Variants in ZFPM2 observed in about 807,000 individuals in gnomAD.
ZFPM2 encodes zinc finger protein, FOG family member 2.
A neutral mutation model predicts 98.6 loss-of-function variants in ZFPM2; 20 were observed. The ratio of observed to expected loss-of-function variants is 0.20; its 90% confidence interval spans 0.14 to 0.29. The LOEUF is 0.29. ZFPM2 is among the 10% of genes least tolerant of loss of function. The pLI, the probability that ZFPM2 is intolerant of heterozygous loss-of-function variation, is 1.00. For synonymous variants in ZFPM2, 518 were observed against 502.7 expected, an observed-to-expected ratio of 1.03 and a Z score of -0.41; for missense variants, 1,310 against 1,388.6, an observed-to-expected ratio of 0.94 and a Z score of 0.90.
intron 5 of ZFPM2, among the ~76,000 whole-genome samples, chr8:105,651,878 A>G (rs1008824409): frequency 6.6e-6 from 1 of 152,202 alleles, no homozygotes; most frequent in Non-Finnish European, 1.5e-5. Context: ...AGTACCCACA[A>G]TGGATTCTCC....
In ZFPM2 at chr8:105,369,777, G is replaced by GTAT. The variant is rs1810582325; in HGVS notation, c.41-49367_41-49366insTAT. ...TTTTTCTTTTTTTCTTTCTGGAAAG[G>GTAT]ACCTATACTATGTAGTTTATGTAAA... is the stretch of plus-strand genomic sequence containing the variant. On this transcript the variant is annotated intron_variant, in intron 1 of 7. Coordinates refer to ENST00000407775, the MANE Select transcript of ZFPM2 (RefSeq NM_012082.4). Among the ~76,000 whole-genome samples the GTAT allele has an allele frequency of 8.5e-5, 13 of 152,072 alleles. No individual in the cohort carries two copies. The South Asian group carries it at 2.5e-3, about 29-fold the overall frequency.
chr8:105,793,313 T>TGTAAA lies in ZFPM2; in HGVS notation c.739+4393_739+4397dup, dbSNP rs1486278486. ...CAAAATCTCTCAGCATTTGCTTGTC[T>TGTAAA]GTAAAGTATTTTATTTCTCTTTCAC... On this transcript the variant is annotated intron_variant, in intron 6 of 7. Transcript: ENST00000407775. 2.7e-3 allele frequency among the ~76,000 whole-genome samples: 417 copies of TGTAAA among 152,312 alleles called. 1 individual carries two copies. The highest frequency in any genetic ancestry group is 9.5e-3 in the African/African-American group (395 of 41,562).
At chr8:105,435,645 A>C (rs1004159718) in intron 2 of ZFPM2, among the ~76,000 whole-genome samples, 3 of 152,154 alleles carry the variant, frequency 2.0e-5, no homozygotes, top group African/African-American at 7.2e-5. Flanking sequence ...TTTCAAACAT[A>C]GAATCAAAAA....
At chr8:105,468,964 GT>G (rs769144598) in intron 3 of ZFPM2, among the ~76,000 whole-genome samples, 1,742 of 144,552 alleles carry the variant, frequency 0.012, 25 homozygotes, top group African/African-American at 0.037. Flanking sequence ...ATACAAAGCA[GT>G]TTTTTTTTTT....
At chr8:105,547,980 G>A (rs1321847536) in intron 3 of ZFPM2, among the ~76,000 whole-genome samples, 1 of 151,044 alleles carries the variant, frequency 6.6e-6, no homozygotes, top group Non-Finnish European at 1.5e-5. Context: ...ACCATGTGAA[G>A]TTTTGGTTTT....
At chr8:105,671,802 T>C (rs1289104581) in intron 5 of ZFPM2, among the ~76,000 whole-genome samples, 2 of 152,180 alleles carry the variant, frequency 1.3e-5, no homozygotes, top group Non-Finnish European at 2.9e-5. Flanking sequence ...TTTACAGTGC[T>C]ATAGCAGTGG....
intron 3 of ZFPM2, among the ~76,000 whole-genome samples, chr8:105,520,977 G>T (rs1337054022): frequency 6.9e-6 from 1 of 145,832 alleles, no homozygotes; most frequent in Non-Finnish European, 1.6e-5. Flanking sequence ...TGTGAAAAAT[G>T]ACTGTGGTCA....
chr8:105,525,277 G>T (rs952659727), intron 3 of ZFPM2, among the ~76,000 whole-genome samples: 2 of 152,126 alleles, frequency 1.3e-5, no homozygotes, highest in Non-Finnish European at 2.9e-5. Flanking sequence ...GTTGCCATCG[G>T]CACAGTTACT....
At chr8:105,516,165 A>G (rs988934707) in intron 3 of ZFPM2, among the ~76,000 whole-genome samples, 5 of 152,166 alleles carry the variant, frequency 3.3e-5, no homozygotes, top group Admixed American at 1.3e-4. Context: ...ACCTCAGGTG[A>G]TCCGCCTGCC....
chr8:105,554,480 G>T (rs535789420), intron 3 of ZFPM2, among the ~76,000 whole-genome samples: 1 of 152,226 alleles, frequency 6.6e-6, no homozygotes, highest in African/African-American at 2.4e-5. Flanking sequence ...TGACTTCGGG[G>T]CTGTCCATGT....
intron 4 of ZFPM2, among the ~76,000 whole-genome samples, chr8:105,621,228 T>C (rs1816536904): frequency 6.6e-6 from 1 of 152,206 alleles, no homozygotes; most frequent in African/African-American, 2.4e-5. Flanking sequence ...TAGTTCTCCT[T>C]GAAGAGTCCT....
chr8:105,748,085 T>C (rs1388626705), intron 5 of ZFPM2, among the ~76,000 whole-genome samples: 1 of 152,116 alleles, frequency 6.6e-6, no homozygotes, highest in Non-Finnish European at 1.5e-5. Context: ...TCATTGACTT[T>C]ATATAAAATT....
chr8:105,428,747 G>A (rs1268815001), intron 2 of ZFPM2, among the ~76,000 whole-genome samples: 1 of 152,152 alleles, frequency 6.6e-6, no homozygotes, highest in Admixed American at 6.5e-5. Flanking sequence ...AGGAAGAGGG[G>A]AAAAGGGCAT....
At chr8:105,669,372 T>C (rs941091334) in intron 5 of ZFPM2, among the ~76,000 whole-genome samples, 3 of 151,598 alleles carry the variant, frequency 2.0e-5, no homozygotes, top group Non-Finnish European at 2.9e-5. Context: ...CTTTCGCATT[T>C]ACTTTTAAAA....
chr8:105,475,844 T>G (rs1173930117), intron 3 of ZFPM2, among the ~76,000 whole-genome samples: 1 of 152,150 alleles, frequency 6.6e-6, no homozygotes, highest in African/African-American at 2.4e-5. Flanking sequence ...GGGATTCATT[T>G]CAAAAAAATC....
intron 4 of ZFPM2, among the ~76,000 whole-genome samples, chr8:105,593,967 G>GCC (rs1815909565): frequency 6.6e-6 from 1 of 152,080 alleles, no homozygotes; most frequent in African/African-American, 2.4e-5. Context: ...TCTTAACAGT[G>GCC]CTCCTCTGCT....
chr8:105,465,991 A>G (rs901948846), intron 3 of ZFPM2, among the ~76,000 whole-genome samples: 1 of 152,008 alleles, frequency 6.6e-6, no homozygotes, highest in African/African-American at 2.4e-5. Context: ...TTCAAGTGAG[A>G]GCATTTTAAA....
intron 5 of ZFPM2, among the ~76,000 whole-genome samples, chr8:105,666,829 GT>G (rs1399877497): frequency 2.0e-5 from 3 of 150,666 alleles, no homozygotes; most frequent in Non-Finnish European, 4.5e-5. Context: ...AAATCACAGT[GT>G]TACTTAAGAA....
chr8:105,677,509 A>G (rs1194347270), intron 5 of ZFPM2, among the ~76,000 whole-genome samples: 1 of 152,086 alleles, frequency 6.6e-6, no homozygotes, highest in Non-Finnish European at 1.5e-5. Context: ...TCTTCAACAA[A>G]TAAGTGTCTC....
Sources: gnomAD v4.1 joint callset for allele counts (sites outside exome capture counted in the v4.1 genomes callset) on GRCh38, gnomAD v4.1.1 for gene constraint, MANE v1.5 for transcripts, NCBI Gene and HGNC (gene_info 2026-07-23, HGNC 2026-07-21) for gene names.